The following RNGTT variants were observed in gnomAD, a reference collection of about 807,000 sequenced individuals.
RNGTT encodes mRNA-capping enzyme.
RNGTT carries 33 observed loss-of-function variants against 79.3 expected under a neutral mutation model. That is an observed-to-expected ratio of 0.42 (90% CI 0.32 to 0.56). The LOEUF is 0.56. RNGTT is among the 20% of genes least tolerant of loss of function. The pLI is 0.17. For missense variants in RNGTT, 497 were observed against 739.1 expected (o/e 0.67, Z 3.80); for synonymous variants, 222 against 235.9 (o/e 0.94, Z 0.54).
intron 1 of RNGTT, among the ~76,000 whole-genome samples, chr6:88,949,159 G>GAAAAAAAAAAAAAAAAAAAAAAAAAT: frequency 4.0e-5 from 2 of 50,514 alleles, no homozygotes; most frequent in African/African-American, 1.6e-4. Flanking sequence ...AAAATAAAAT[G>GAAAAAAAAAAAAAAAAAAAAAAAAAT]AAAAAAAAAA....
intron 12 of RNGTT, 39 bp from the exon 13 acceptor site, chr6:88,769,913 G>A: frequency 7.1e-7 from 1 of 1,399,614 alleles, no homozygotes; most frequent in African/African-American, 1.4e-5. Flanking sequence ...TTACTAAGAA[G>A]TTAAAAATTA....
intron 4 of RNGTT, among the ~76,000 whole-genome samples, chr6:88,925,594 T>TC (rs1784294536): frequency 8.9e-6 from 1 of 111,906 alleles, no homozygotes; most frequent in Non-Finnish European, 1.9e-5. Context: ...CCTTACCTCA[T>TC]AAAAAAAAAA....
At chr6:88,900,516 C>CA (rs1783412929) in intron 6 of RNGTT, among the ~76,000 whole-genome samples, 1 of 149,620 alleles carries the variant, frequency 6.7e-6, no homozygotes, top group Non-Finnish European at 1.5e-5. Flanking sequence ...GGTGGGTCAC[C>CA]TGAGGTCAGG....
chr6:88,637,916 A>T (rs1727144691), intron 14 of RNGTT, among the ~76,000 whole-genome samples: 1 of 152,160 alleles, frequency 6.6e-6, no homozygotes, highest in African/African-American at 2.4e-5. Context: ...TGCCATTCCC[A>T]TTATGGACAA....
chr6:88,814,256 G>A (rs904505771), intron 11 of RNGTT, among the ~76,000 whole-genome samples: 1 of 152,104 alleles, frequency 6.6e-6, no homozygotes, highest in African/African-American at 2.4e-5. Flanking sequence ...CTCCAGTGAA[G>A]ACAACAGTAA....
chr6:88,753,659 C>T (rs1208536378), intron 13 of RNGTT, among the ~76,000 whole-genome samples: 4 of 151,320 alleles, frequency 2.6e-5, no homozygotes, highest in East Asian at 1.9e-4. Context: ...AAAATGCAAC[C>T]GTTTAAATAG....
intron 8 of RNGTT, among the ~76,000 whole-genome samples, chr6:88,883,198 GA>G (rs1782748840): frequency 7.2e-6 from 1 of 139,040 alleles, no homozygotes; most frequent in South Asian, 2.3e-4. Flanking sequence ...AAAAAAAATC[GA>G]AGTGCATTTG....
At chr6:88,692,282 T>G (rs1775509716) in intron 13 of RNGTT, among the ~76,000 whole-genome samples, 1 of 152,148 alleles carries the variant, frequency 6.6e-6, no homozygotes, top group African/African-American at 2.4e-5. Flanking sequence ...CTCTGGTTAT[T>G]TGCCAGCCCC....
At chr6:88,729,981 T>C (rs1777052894) in intron 13 of RNGTT, among the ~76,000 whole-genome samples, 1 of 152,176 alleles carries the variant, frequency 6.6e-6, no homozygotes. Flanking sequence ...ACCATGCATC[T>C]GTGGGTTGGT....
chr6:88,867,907 T>C (rs1562293671), intron 8 of RNGTT, among the ~76,000 whole-genome samples: 2 of 152,138 alleles, frequency 1.3e-5, no homozygotes, highest in African/African-American at 2.4e-5. Context: ...AAATGGGAAA[T>C]AAAGTGTTGG....
intron 13 of RNGTT, among the ~76,000 whole-genome samples, chr6:88,757,339 G>A (rs1390739248): frequency 6.6e-6 from 1 of 152,098 alleles, no homozygotes; most frequent in African/African-American, 2.4e-5. Context: ...ATAAAAAGAA[G>A]TACATGATTT....
chr6:88,714,017 C>T (rs1776413062), intron 13 of RNGTT, among the ~76,000 whole-genome samples: 2 of 152,130 alleles, frequency 1.3e-5, no homozygotes. Context: ...TCTGTTGTTC[C>T]ACTTCCAATC....
At chr6:88,698,248 AATATATATATAAATATATATGAT>A (rs1377457699) in intron 13 of RNGTT, among the ~76,000 whole-genome samples, 6 of 84,460 alleles carry the variant, frequency 7.1e-5, no homozygotes, top group African/African-American at 2.5e-4. Context: ...ATATATATGA[AATATATATATAAATATATATGAT>A]ATATATATTT....
intron 1 of RNGTT, among the ~76,000 whole-genome samples, chr6:88,955,800 T>G (rs1043691766): frequency 2.0e-5 from 3 of 152,020 alleles, no homozygotes; most frequent in Non-Finnish European, 4.4e-5. Context: ...CCCAGCACTT[T>G]GGAAGGCCAA....
chr6:88,895,380 G>A (rs1333974116), intron 6 of RNGTT, among the ~76,000 whole-genome samples: 2 of 152,094 alleles, frequency 1.3e-5, no homozygotes, highest in Non-Finnish European at 2.9e-5. Context: ...AGTTCAAGGA[G>A]TAAGCAACAT....
intron 14 of RNGTT, among the ~76,000 whole-genome samples, chr6:88,631,846 G>A (rs1028402227): frequency 8.6e-5 from 13 of 151,802 alleles, no homozygotes; most frequent in Admixed American, 7.9e-4. Flanking sequence ...TAACCTCCTA[G>A]AAACACTTCT....
At chr6:88,703,241 C>G (rs1017434843) in intron 13 of RNGTT, among the ~76,000 whole-genome samples, 5 of 152,136 alleles carry the variant, frequency 3.3e-5, no homozygotes, top group African/African-American at 1.2e-4. Context: ...CAAAAAGACA[C>G]ACATACTTGC....
chr6:88,620,128 A>G (rs1772388837), intron 14 of RNGTT, among the ~76,000 whole-genome samples: 3 of 152,244 alleles, frequency 2.0e-5, no homozygotes, highest in African/African-American at 7.2e-5. Flanking sequence ...ATGAGGAACC[A>G]CTGTGTAAAT....
intron 14 of RNGTT, among the ~76,000 whole-genome samples, chr6:88,659,734 G>A (rs1182599011): frequency 1.3e-5 from 2 of 152,214 alleles, no homozygotes; most frequent in South Asian, 4.1e-4. Flanking sequence ...TTATTTGAGG[G>A]AATAGTCAAT....
Sources: gnomAD v4.1 joint callset for allele counts (sites outside exome capture counted in the v4.1 genomes callset) on GRCh38, gnomAD v4.1.1 for gene constraint, MANE v1.5 for transcripts, NCBI Gene and HGNC (gene_info 2026-07-23, HGNC 2026-07-21) for gene names.